LRATD1: variants seen among roughly 807,000 people sequenced by gnomAD.
LRATD1 encodes the protein LRAT domain containing 1, also known as protein LRATD1.
In LRATD1, 8 loss-of-function variants were observed where a neutral mutation model predicts 21.3. The observed-to-expected ratio is 0.38, with a 90% CI of 0.22 to 0.68. The LOEUF is 0.68. Ranked by LOEUF, LRATD1 falls within the 30% of genes least tolerant of loss-of-function variation. The pLI is 0.54. For missense variants in LRATD1, 380 were observed against 404.0 expected (o/e 0.94, Z 0.51); for synonymous variants, 210 against 186.2 (o/e 1.13, Z -1.04).
intron 4 of LRATD1, among the ~76,000 whole-genome samples, chr2:14,647,789 T>A (rs1487214309): frequency 6.6e-6 from 1 of 152,156 alleles, no homozygotes; most frequent in Non-Finnish European, 1.5e-5. Context: ...CATGGTATTT[T>A]AACCCAAATG....
At chr2:14,645,366 A>G (rs1352888220) in intron 2 of LRATD1, among the ~76,000 whole-genome samples, 7 of 152,220 alleles carry the variant, frequency 4.6e-5, no homozygotes, top group African/African-American at 9.6e-5. Flanking sequence ...CAGGTATATA[A>G]CCATCAGCTT....
rs955091308 is a variant in LRATD1, at chr2:14,636,775, T to C, written c.*1917T>C. ...CAGTTTCTTGGCATTTCAAAAATAA[T>C]GCAATAAAAACTAGTTGAGGTTAGC... On this transcript the variant is annotated 3_prime_UTR_variant, in exon 2 of 2. Coordinates refer to ENST00000295092, the MANE Select transcript of LRATD1 (RefSeq NM_145175.4). The C allele has an allele frequency of 6.0e-6, 1 of 167,142 alleles. No individual in the cohort carries two copies. The highest frequency in any genetic ancestry group is 1.5e-5 in the Non-Finnish European group (1 of 68,128). The allele number at this position is 167,142 out of a possible 1,614,324, so 10.4% of individuals were successfully genotyped here. A position where few individuals can be genotyped will look rare whatever the true frequency, so the allele number is the denominator to read the frequency against.
rs779767755 is a variant in LRATD1, at chr2:14,634,910, C to G, written c.*52C>G. On this transcript the variant is annotated 3_prime_UTR_variant, in exon 2 of 2. Coordinates refer to ENST00000295092, the MANE Select transcript of LRATD1 (RefSeq NM_145175.4). Reference sequence around the variant, plus strand: ...CCTCCCCCGCACCTCGCTCCCTTCCCTTCCCCGCACCCGGACTTCGCAGTC... The same window carrying G: ...CCTCCCCCGCACCTCGCTCCCTTCCGTTCCCCGCACCCGGACTTCGCAGTC... 4.5e-6 allele frequency: 7 copies of G among 1,552,744 alleles called. No individual in the cohort carries two copies. The South Asian group carries it at 8.3e-5, about 18-fold the overall frequency.
chr2:14,646,747 G>A (rs1671902588), intron 4 of LRATD1, among the ~76,000 whole-genome samples: 1 of 152,142 alleles, frequency 6.6e-6, no homozygotes, highest in Admixed American at 6.6e-5. Flanking sequence ...GCACTAATCT[G>A]GATGAAGGAC....
rs1671653191 is a variant in LRATD1 at position 14,635,018 on chromosome 2, A to G, written c.*160A>G. On this transcript the variant is annotated 3_prime_UTR_variant, in exon 2 of 2. Transcript: ENST00000295092. The stretch of plus-strand genomic sequence containing the variant: ...CCCGGGCTGCACCCCCGCATCCCCA[A>G]GCCAGCGGCAGGAAGTCTCAGGAAC... The G allele has an allele frequency of 6.8e-6, 7 of 1,027,194 alleles. No homozygotes were observed. The highest frequency in any genetic ancestry group is 3.2e-5 in the African/African-American group (2 of 62,582). The allele number at this position is 1,027,194 out of a possible 1,614,324, so 63.6% of individuals were successfully genotyped here.
chr2:14,646,313 C>T (rs1199962179), intron 3 of LRATD1: 1 of 152,156 alleles, frequency 6.6e-6, no homozygotes, highest in Non-Finnish European at 1.5e-5. Context: ...GTCCAACCTC[C>T]TGGAATGAAA....
chr2:14,649,336 G>T (rs1414406801), exon 5 of LRATD1: 1 of 456,394 alleles, frequency 2.2e-6, no homozygotes, highest in Non-Finnish European at 4.4e-6. Flanking sequence ...TTGGATCTTT[G>T]TCTCATGGAT....
rs754411616 is a variant in LRATD1, at chr2:14,635,566, C to T, written c.*708C>T. 1 of 471,126 alleles carries T rather than the reference C, an allele frequency of 2.1e-6. No individual in the cohort carries two copies. Among genetic ancestry groups the T allele is most frequent in the Non-Finnish European group, 4.4e-6 (1 of 227,052 alleles). 29.2% of individuals were successfully genotyped at this position (471,126 alleles called of 1,614,324 possible). ...GTGGGAAGCGAACGCCACCCCCACCCGCCTTTGCCTGCGAGTCTCCCTCGC... is the reference window on the plus strand; with the variant it reads ...GTGGGAAGCGAACGCCACCCCCACCTGCCTTTGCCTGCGAGTCTCCCTCGC... On this transcript the variant is annotated 3_prime_UTR_variant, in exon 2 of 2. Transcript: ENST00000295092.
rs1404238889 is a variant in LRATD1 at position 14,633,997 on chromosome 2, C to T, written c.18C>T (p.Asp6=). The T allele has an allele frequency of 6.2e-7, 1 of 1,613,082 alleles. No homozygotes were observed. The change falls in exon 2 of 2, where the codon GAC becomes GAT. Residue 6 remains aspartate, a synonymous_variant. Transcript: ENST00000295092. This position sits in a 1 kb window ranked among gnomAD's most constrained non-coding sequence, Gnocchi z 7.5. ...CCTCATTGATGGGCAACCAACTGGACCGCATCACCCACCTCAACTACAGCG... is the reference window on the plus strand; with the variant it reads ...CCTCATTGATGGGCAACCAACTGGATCGCATCACCCACCTCAACTACAGCG... MGNQL[D]RITHLNYSEL...
rs1242481964 is a variant in LRATD1 at position 14,634,982 on chromosome 2, G to T, written c.*124G>T. On this transcript the variant is annotated 3_prime_UTR_variant, in exon 2 of 2. Coordinates refer to ENST00000295092, the MANE Select transcript of LRATD1 (RefSeq NM_145175.4). Reference sequence around the variant, plus strand: ...CGCCCCGCCACGCGCGTCCGCCGCCGGTGGCCCGGGCCCGGGCTGCACCCC... The same window carrying T: ...CGCCCCGCCACGCGCGTCCGCCGCCTGTGGCCCGGGCCCGGGCTGCACCCC... The T allele has an allele frequency of 1.9e-5, 25 of 1,307,702 alleles. No homozygotes were observed. Among genetic ancestry groups the T allele is most frequent in the Non-Finnish European group, 2.5e-5 (24 of 956,614 alleles). 81.0% of individuals were successfully genotyped at this position (1,307,702 alleles called of 1,614,324 possible).
At chr2:14,649,204 G>A in intron 4 of LRATD1, 1 of 446,160 alleles carries the variant, frequency 2.2e-6, no homozygotes, top group Admixed American at 2.4e-5. Flanking sequence ...GGTTGGGGGA[G>A]GGGGGATGTG....
chr2:14,635,018 A>C lies in LRATD1; in HGVS notation c.*160A>C. ...CCCGGGCTGCACCCCCGCATCCCCA[A>C]GCCAGCGGCAGGAAGTCTCAGGAAC... is the stretch of plus-strand genomic sequence containing the variant. On this transcript the variant is annotated 3_prime_UTR_variant, in exon 2 of 2. Transcript: ENST00000295092. The C allele has an allele frequency of 1.9e-6, 2 of 1,027,304 alleles. No individual in the cohort carries two copies. The highest frequency in any genetic ancestry group is 2.9e-6 in the Non-Finnish European group (2 of 683,190). 63.6% of individuals were successfully genotyped at this position (1,027,304 alleles called of 1,614,324 possible). A position where few individuals can be genotyped will look rare whatever the true frequency, so the allele number is the denominator to read the frequency against.
rs527971935 is a variant in LRATD1 at position 14,638,641 on chromosome 2, A to G, written c.*3783A>G. On this transcript the variant is annotated 3_prime_UTR_variant, in exon 2 of 2. Transcript: ENST00000295092. ...GCGCTTTCAACATCCCTAAGAGTTAAATGTCTTAGTCATCTAATACATGGA... is the reference window on the plus strand; with the variant it reads ...GCGCTTTCAACATCCCTAAGAGTTAGATGTCTTAGTCATCTAATACATGGA... 3 of 167,040 alleles carry G rather than the reference A, an allele frequency of 1.8e-5. No homozygotes were observed. Among genetic ancestry groups the G allele is most frequent in the Non-Finnish European group, 2.9e-5 (2 of 68,076 alleles). The allele number at this position is 167,040 out of a possible 1,614,324, so 10.3% of individuals were successfully genotyped here. A position where few individuals can be genotyped will look rare whatever the true frequency, so the allele number is the denominator to read the frequency against.
In LRATD1 at chr2:14,633,776, C is replaced by T. The variant is rs1416933200; in HGVS notation, c.-36-168C>T. ...CGCCTGACCTGTGGCGGCTTCTCCG[C>T]CCCTCGTACCCCTGGGGAGGCACGG... On this transcript the variant is annotated intron_variant, in intron 1 of 1. Coordinates refer to ENST00000295092, the MANE Select transcript of LRATD1 (RefSeq NM_145175.4). This position sits in a 1 kb window ranked among gnomAD's most constrained non-coding sequence, Gnocchi z 7.5. 2 of 660,420 alleles carry T rather than the reference C, an allele frequency of 3.0e-6. No homozygotes were observed. Among genetic ancestry groups the T allele is most frequent in the Non-Finnish European group, 5.1e-6 (2 of 393,256 alleles). The allele number at this position is 660,420 out of a possible 1,614,324, so 40.9% of individuals were successfully genotyped here. A position where few individuals can be genotyped will look rare whatever the true frequency, so the allele number is the denominator to read the frequency against.
Position 14,634,393 on chromosome 2 carries a change from C to G in LRATD1, c.414C>G (p.Pro138=). ...GGCTGCAGCCCGCGCCGGAGCCGCC[C>G]GCGCCCGCCCCGCACTGGGCCGTCT... The part of the protein sequence containing the change: ...LLWLQPAPEP[P]APAPHWAVYV... The change falls in exon 2 of 2, where the codon CCC becomes CCG. Residue 138 remains proline (P), a synonymous_variant. Transcript: ENST00000295092. 1 of 1,539,660 alleles carries G rather than the reference C, an allele frequency of 6.5e-7. No individual in the cohort carries two copies.
Position 14,633,949 on chromosome 2 carries a change from C to A in LRATD1, c.-31C>A, listed in dbSNP as rs779184953. 6.3e-7 allele frequency: 1 copy of A among 1,593,298 alleles called. No homozygotes were observed. The highest frequency in any genetic ancestry group is 1.1e-5 in the South Asian group (1 of 88,548). On this transcript the variant is annotated 5_prime_UTR_variant, in exon 2 of 2. Transcript: ENST00000295092. The surrounding 1 kb of genome is among the most constrained non-coding windows in gnomAD (Gnocchi z 7.5). ...GCCTCTCTGTGCCTCCGCAGATCCC[C>A]GCTCCTGGCCCTCGCCTCGCCACCT...
rs767117590 is a variant in LRATD1 at position 14,635,578 on chromosome 2, C to A, written c.*720C>A. The stretch of plus-strand genomic sequence containing the variant: ...CGCCACCCCCACCCGCCTTTGCCTG[C>A]GAGTCTCCCTCGCTGGCAGAAGGGA... On this transcript the variant is annotated 3_prime_UTR_variant, in exon 2 of 2. Coordinates refer to ENST00000295092, the MANE Select transcript of LRATD1 (RefSeq NM_145175.4). The A allele has an allele frequency of 1.3e-5, 6 of 470,958 alleles. No individual in the cohort carries two copies. Among genetic ancestry groups the A allele is most frequent in the African/African-American group, 1.0e-4 (5 of 50,054 alleles). The allele number at this position is 470,958 out of a possible 1,614,324, so 29.2% of individuals were successfully genotyped here.
Position 14,634,938 on chromosome 2 carries a change from C to A in LRATD1, c.*80C>A, listed in dbSNP as rs769622207. ...CCCCGCACCCGGACTTCGCAGTCAG[C>A]GGTTCTCAACCTCTGCCCCGCCCCG... On this transcript the variant is annotated 3_prime_UTR_variant, in exon 2 of 2. Coordinates refer to ENST00000295092, the MANE Select transcript of LRATD1 (RefSeq NM_145175.4). The A allele has an allele frequency of 4.7e-6, 7 of 1,477,474 alleles. No homozygotes were observed. In the East Asian group the frequency reaches 7.4e-5, roughly 16 times the overall value. 91.5% of individuals were successfully genotyped at this position (1,477,474 alleles called of 1,614,324 possible).
At position 14,634,148 on chromosome 2, in the gene LRATD1, G is replaced by GC. The variant is rs756621869; in HGVS notation, c.176dup (p.Cys61LeufsTer108). On this transcript the variant is annotated frameshift_variant, in exon 2 of 2. Transcript: ENST00000295092. LOFTEE classifies it high-confidence loss of function. The stretch of plus-strand genomic sequence containing the variant: ...GCAGCCCGACAAGTTTGGCGTGAAG[G>GC]CCCCCCCGGGTTGCACCCCCTGCCC... The GC allele has an allele frequency of 9.9e-6, 16 of 1,613,622 alleles. No homozygotes were observed. The highest frequency in any genetic ancestry group is 1.7e-5 in the Admixed American group (1 of 59,986).
Sources: gnomAD v4.1 joint callset for allele counts (sites outside exome capture counted in the v4.1 genomes callset) on GRCh38, gnomAD v4.1.1 for gene constraint, Gnocchi (gnomAD v3.1) non-coding constraint, MANE v1.5 for transcripts, NCBI Gene and HGNC (gene_info 2026-07-23, HGNC 2026-07-21) for gene names.